Variants in ZNF98 observed in about 807,000 individuals in gnomAD.
ZNF98 encodes zinc finger protein 739.
In ZNF98, 8 loss-of-function variants were observed where a neutral mutation model predicts 12.8. That is an observed-to-expected ratio of 0.63 (90% confidence interval 0.37 to 1.13). ZNF98 has a LOEUF of 1.13. Among genes scored for constraint, ZNF98 ranks in the 50% most tolerant of loss-of-function variants. The probability of loss-of-function intolerance (pLI) is 0.01; values close to 1 mark genes in which losing one functional copy is unlikely to be tolerated. For missense variants in ZNF98, 379 were observed against 666.1 expected, an observed-to-expected ratio of 0.57 and a Z score of 4.74; for synonymous variants, 112 against 223.5, an observed-to-expected ratio of 0.50 and a Z score of 4.45.
At chr19:22,398,753 A>C (rs1436562743) in intron 3 of ZNF98, among the ~76,000 whole-genome samples, 1 of 151,942 alleles carries the variant, frequency 6.6e-6, no homozygotes, top group African/African-American at 2.4e-5. Flanking sequence ...AGAATTATAA[A>C]CCTTTCCAAA....
At chr19:22,412,693 G>A (rs1201600442) in intron 1 of ZNF98, among the ~76,000 whole-genome samples, 3 of 151,908 alleles carry the variant, frequency 2.0e-5, no homozygotes, top group Admixed American at 6.6e-5. Context: ...ACCAAATTGG[G>A]CAGGACATCA....
chr19:22,409,329 G>GA (rs1342915128), intron 1 of ZNF98, among the ~76,000 whole-genome samples: 1 of 151,898 alleles, frequency 6.6e-6, no homozygotes, highest in Non-Finnish European at 1.5e-5. Context: ...CCCAAAACCA[G>GA]AAAAACCCTA....
chr19:22,400,448 A>C (rs1305316455), intron 3 of ZNF98, among the ~76,000 whole-genome samples: 1 of 151,948 alleles, frequency 6.6e-6, no homozygotes, highest in African/African-American at 2.4e-5. Flanking sequence ...CCTACAGAGC[A>C]AAGTCCTGAA....
At chr19:22,400,907 C>A in intron 3 of ZNF98, among the ~76,000 whole-genome samples, 2 of 144,382 alleles carry the variant, frequency 1.4e-5, no homozygotes, top group East Asian at 2.0e-4. Context: ...GAGCCGAGGC[C>A]GCGCCACTGC....
intron 1 of ZNF98, among the ~76,000 whole-genome samples, chr19:22,405,269 T>TAACA (rs1555704303): frequency 1.6e-5 from 2 of 123,598 alleles, no homozygotes; most frequent in Non-Finnish European, 3.3e-5. Context: ...CATGCTTAGC[T>TAACA]AAAAAAAAAA....
At chr19:22,416,042 G>A (rs1969638883) in intron 1 of ZNF98, among the ~76,000 whole-genome samples, 1 of 150,614 alleles carries the variant, frequency 6.6e-6, no homozygotes, top group Admixed American at 6.6e-5. Flanking sequence ...TACTCGGGAG[G>A]CTGAGGCAGG....
intron 1 of ZNF98, among the ~76,000 whole-genome samples, chr19:22,409,249 G>A (rs1210263569): frequency 6.6e-6 from 1 of 152,124 alleles, no homozygotes; most frequent in African/African-American, 2.4e-5. Context: ...GCAGAAAACT[G>A]AAACTGGACC....
chr19:22,402,144 C>A (rs1969465202), intron 3 of ZNF98, among the ~76,000 whole-genome samples: 1 of 142,014 alleles, frequency 7.0e-6, no homozygotes, highest in African/African-American at 2.6e-5. Flanking sequence ...ACACTCCACT[C>A]CAGCCTGGGT....
At chr19:22,396,062 A>G (rs1048203033) in intron 3 of ZNF98, among the ~76,000 whole-genome samples, 2 of 152,006 alleles carry the variant, frequency 1.3e-5, no homozygotes, top group Non-Finnish European at 2.9e-5. Context: ...AAAAACACAT[A>G]ATCATATAAA....
At chr19:22,405,005 CCTT>C (rs1388633491) in intron 1 of ZNF98, among the ~76,000 whole-genome samples, 2 of 152,126 alleles carry the variant, frequency 1.3e-5, no homozygotes, top group South Asian at 2.1e-4. Flanking sequence ...AGGAAAGAAA[CCTT>C]CTTAATATTG....
chr19:22,403,623 G>A, intron 1 of ZNF98, 111 bp from the exon 2 acceptor site: 1 of 1,010,628 alleles, frequency 9.9e-7, no homozygotes. Context: ...ACTTATAGGA[G>A]TGACTGATAT....
chr19:22,412,307 C>A (rs1189895187), intron 1 of ZNF98, among the ~76,000 whole-genome samples: 12 of 152,114 alleles, frequency 7.9e-5, no homozygotes, highest in Non-Finnish European at 1.5e-5. Flanking sequence ...ATTAAACAAC[C>A]TGCACTTGAA....
At chr19:22,411,448 AAATTT>A (rs1286609593) in intron 1 of ZNF98, among the ~76,000 whole-genome samples, 1 of 152,224 alleles carries the variant, frequency 6.6e-6, no homozygotes, top group Non-Finnish European at 1.5e-5. Context: ...CTGTATTGTT[AAATTT>A]AATTCTACCT....
At chr19:22,419,403 A>C (rs1040460926) in intron 1 of ZNF98, among the ~76,000 whole-genome samples, 1 of 152,104 alleles carries the variant, frequency 6.6e-6, no homozygotes, top group African/African-American at 2.4e-5. Flanking sequence ...GGGGGTGAGC[A>C]GGCTGGGACA....
Position 22,404,711 on chromosome 19 carries a change from C to T in ZNF98, c.31-1199G>A, listed in dbSNP as rs1379716612. 3.3e-5 allele frequency among the ~76,000 whole-genome samples: 5 copies of T among 152,210 alleles called. No homozygotes were observed. The East Asian group carries it at 9.7e-4, about 29-fold the overall frequency. ...GAAACATTGGTTTTATGCAAAGTTC[C>T]AGATACTGATATCTGCCATGTTCTG... On this transcript the variant is annotated intron_variant, in intron 1 of 3. Coordinates refer to ENST00000357774, the MANE Select transcript of ZNF98 (RefSeq NM_001098626.2).
At chr19:22,404,921 T>G (rs1969502880) in intron 1 of ZNF98, among the ~76,000 whole-genome samples, 1 of 152,150 alleles carries the variant, frequency 6.6e-6, no homozygotes, top group African/African-American at 2.4e-5. Flanking sequence ...TTACATGCTC[T>G]CCATCTTTAC....
At chr19:22,414,543 C>T (rs1392652260) in intron 1 of ZNF98, among the ~76,000 whole-genome samples, 1 of 152,068 alleles carries the variant, frequency 6.6e-6, no homozygotes, top group East Asian at 1.9e-4. Context: ...AAAACAAACT[C>T]ACAGACCAAT....
At chr19:22,394,812 GA>G (rs1263123493) in intron 3 of ZNF98, among the ~76,000 whole-genome samples, 1 of 152,078 alleles carries the variant, frequency 6.6e-6, no homozygotes, top group African/African-American at 2.4e-5. Flanking sequence ...AAATAAATAA[GA>G]AAGGTAAGTT....
intron 3 of ZNF98, among the ~76,000 whole-genome samples, chr19:22,401,300 C>A (rs543952020): frequency 1.3e-5 from 2 of 152,054 alleles, no homozygotes; most frequent in East Asian, 3.9e-4. Flanking sequence ...GTTCCATACA[C>A]TTTAAACAAA....
Sources: allele counts gnomAD v4.1 joint callset (sites outside exome capture counted in the v4.1 genomes callset), GRCh38; gene constraint gnomAD v4.1.1; transcripts MANE v1.5; gene names NCBI Gene and HGNC (gene_info 2026-07-23, HGNC 2026-07-21).